The following CYSTM1 variants were observed in gnomAD, a reference collection of about 807,000 sequenced individuals.
The protein encoded by CYSTM1 is cysteine rich transmembrane module containing 1, also known as cysteine-rich transmembrane module-containing protein 1.
CYSTM1 carries 4 observed loss-of-function variants against 13.1 expected under a neutral mutation model. The observed-to-expected ratio is 0.31, with a 90% CI of 0.15 to 0.70. The LOEUF (loss-of-function observed/expected upper bound fraction) is 0.70, where lower values mean the gene tolerates loss of function less well. CYSTM1 is among the 30% of genes least tolerant of loss of function. The pLI is 0.72. For missense variants in CYSTM1, 96 were observed against 121.6 expected, an observed-to-expected ratio of 0.79 and a Z score of 0.99; for synonymous variants, 36 against 42.7, an observed-to-expected ratio of 0.84 and a Z score of 0.62.
At chr5:140,191,338 CTG>C (rs1361027621) in intron 1 of CYSTM1, among the ~76,000 whole-genome samples, 8 of 152,206 alleles carry the variant, frequency 5.3e-5, no homozygotes, top group Non-Finnish European at 1.0e-4. Context: ...ATAAATGCCT[CTG>C]TGAATAACTC....
intron 2 of CYSTM1, among the ~76,000 whole-genome samples, chr5:140,232,448 T>G (rs1424323529): frequency 6.6e-6 from 1 of 152,126 alleles, no homozygotes; most frequent in Non-Finnish European, 1.5e-5. Flanking sequence ...TCTGGATGGA[T>G]CTGCAAAGGA....
At chr5:140,233,356 A>G (rs774855812) in intron 2 of CYSTM1, among the ~76,000 whole-genome samples, 4 of 152,216 alleles carry the variant, frequency 2.6e-5, no homozygotes, top group Non-Finnish European at 5.9e-5. Flanking sequence ...GCTGAGAAGT[A>G]TTCCATTGTA....
intron 1 of CYSTM1, among the ~76,000 whole-genome samples, chr5:140,188,154 C>T (rs1178137242): frequency 6.7e-6 from 1 of 149,602 alleles, no homozygotes; most frequent in Non-Finnish European, 1.5e-5. Flanking sequence ...TAGCTCACTG[C>T]AGCTCAAACT....
chr5:140,225,168 C>T (rs1764534822), intron 2 of CYSTM1, among the ~76,000 whole-genome samples: 1 of 152,182 alleles, frequency 6.6e-6, no homozygotes, highest in Admixed American at 6.5e-5. Flanking sequence ...GGTAATAGAG[C>T]AAGACCCTCT....
At chr5:140,223,548 C>T (rs1212389753) in intron 2 of CYSTM1, among the ~76,000 whole-genome samples, 3 of 152,232 alleles carry the variant, frequency 2.0e-5, no homozygotes, top group South Asian at 4.1e-4. Context: ...CTTAGTACTG[C>T]GGCTACCATT....
At chr5:140,194,745 C>G in intron 2 of CYSTM1, 93 bp downstream of exon 2, 1 of 1,449,966 alleles carries the variant, frequency 6.9e-7, no homozygotes, top group Non-Finnish European at 9.3e-7. Flanking sequence ...TCTTTCCAGC[C>G]TTTGCAACTT....
intron 2 of CYSTM1, among the ~76,000 whole-genome samples, chr5:140,221,388 C>T (rs1227761372): frequency 6.6e-6 from 1 of 152,166 alleles, no homozygotes; most frequent in Non-Finnish European, 1.5e-5. Context: ...CTCCTACCTC[C>T]AGCCCCTAGC....
intron 1 of CYSTM1, among the ~76,000 whole-genome samples, chr5:140,177,333 C>T (rs1435414073): frequency 6.6e-6 from 1 of 151,800 alleles, no homozygotes; most frequent in Non-Finnish European, 1.5e-5. Context: ...GCTCTGTCGC[C>T]CAGGCTGGAG....
intron 1 of CYSTM1, among the ~76,000 whole-genome samples, chr5:140,176,610 G>C (rs1763888769): frequency 6.6e-6 from 1 of 152,164 alleles, no homozygotes; most frequent in South Asian, 2.1e-4. Context: ...GTTTCAGAGT[G>C]ACTTACAAAC....
intron 2 of CYSTM1, among the ~76,000 whole-genome samples, chr5:140,232,487 A>T (rs1258150149): frequency 1.3e-5 from 2 of 152,178 alleles, no homozygotes. Flanking sequence ...GGAGAATGGG[A>T]TGTCCTGAGA....
chr5:140,217,272 A>G (rs1042472276), intron 2 of CYSTM1, among the ~76,000 whole-genome samples: 11 of 152,104 alleles, frequency 7.2e-5, no homozygotes, highest in African/African-American at 2.4e-4. Context: ...GAGAATGTAT[A>G]TCATGGGTAA....
intron 2 of CYSTM1, among the ~76,000 whole-genome samples, chr5:140,218,734 G>A (rs1427261600): frequency 1.3e-5 from 2 of 152,226 alleles, no homozygotes; most frequent in Non-Finnish European, 2.9e-5. Context: ...ATCCAGGAGG[G>A]TGGTACCCTA....
chr5:140,188,315 T>A (rs1385141338), intron 1 of CYSTM1, among the ~76,000 whole-genome samples: 1 of 152,076 alleles, frequency 6.6e-6, no homozygotes, highest in Non-Finnish European at 1.5e-5. Flanking sequence ...CTTGAACTCC[T>A]GGCCTCAAGT....
intron 1 of CYSTM1, among the ~76,000 whole-genome samples, chr5:140,187,335 G>A (rs1485885268): frequency 6.6e-6 from 1 of 151,402 alleles, no homozygotes; most frequent in Non-Finnish European, 1.5e-5. Context: ...GGTCTCTAGG[G>A]TAAGATCTGC....
At chr5:140,196,383 G>C (rs1310891639) in intron 2 of CYSTM1, among the ~76,000 whole-genome samples, 4 of 152,168 alleles carry the variant, frequency 2.6e-5, no homozygotes, top group African/African-American at 7.2e-5. Context: ...CTAATCAAAA[G>C]TAATAACAGA....
chr5:140,198,127 A>G (rs1764177687), intron 2 of CYSTM1, among the ~76,000 whole-genome samples: 1 of 152,202 alleles, frequency 6.6e-6, no homozygotes, highest in South Asian at 2.1e-4. Context: ...AAGAATAACA[A>G]CTAGTATTTG....
intron 2 of CYSTM1, among the ~76,000 whole-genome samples, chr5:140,233,086 CCA>C (rs1347063186): frequency 6.6e-6 from 1 of 152,142 alleles, no homozygotes; most frequent in Non-Finnish European, 1.5e-5. Flanking sequence ...ACATGCAACT[CCA>C]GTCTGGAAAA....
At chr5:140,228,801 C>G (rs35109532) in intron 2 of CYSTM1, 96,332 of 399,394 alleles carry the variant, frequency 0.24, 12,545 homozygotes, top group South Asian at 0.46. Context: ...CTGGGCTGCT[C>G]TCTGCTGCTG....
chr5:140,207,663 G>T (rs1438080079), intron 2 of CYSTM1, among the ~76,000 whole-genome samples: 1 of 152,124 alleles, frequency 6.6e-6, no homozygotes, highest in Admixed American at 6.5e-5. Flanking sequence ...GCCTTTCATG[G>T]TCTGGCCCTG....
Sources: gnomAD v4.1 joint callset for allele counts (sites outside exome capture counted in the v4.1 genomes callset) on GRCh38, gnomAD v4.1.1 for gene constraint, MANE v1.5 for transcripts, NCBI Gene and HGNC (gene_info 2026-07-23, HGNC 2026-07-21) for gene names.